NDRG3: variants seen among roughly 807,000 people sequenced by gnomAD.
The protein encoded by NDRG3 is NDRG family member 3, also known as protein NDRG3.
Under a neutral mutation model 57.2 loss-of-function variants are expected in NDRG3, and 23 were observed. The observed-to-expected ratio is 0.40, with a 90% CI of 0.29 to 0.57. The LOEUF (loss-of-function observed/expected upper bound fraction) is 0.57, where lower values mean the gene tolerates loss of function less well. Ranked by LOEUF, NDRG3 falls within the 20% of genes least tolerant of loss-of-function variation. The probability of loss-of-function intolerance (pLI) is 0.42; values close to 1 mark genes in which losing one functional copy is unlikely to be tolerated. For missense variants in NDRG3, 384 were observed against 457.3 expected, an observed-to-expected ratio of 0.84 and a Z score of 1.46; for synonymous variants, 132 against 162.6, an observed-to-expected ratio of 0.81 and a Z score of 1.43.
chr20:36,712,578 TA>T (rs1568660344), intron 2 of NDRG3, among the ~76,000 whole-genome samples: 13 of 23,862 alleles, frequency 5.4e-4, no homozygotes, highest in South Asian at 1.4e-3. Context: ...TATATATATA[TA>T]TATATATATT....
chr20:36,723,831 C>T (rs11699969), intron 1 of NDRG3, among the ~76,000 whole-genome samples: 9,617 of 151,650 alleles, frequency 0.063, 565 homozygotes, highest in African/African-American at 0.16. Context: ...CTCAGTCTCC[C>T]GAGAAGCTGG....
chr20:36,739,214 C>T (rs1344760585), intron 1 of NDRG3, among the ~76,000 whole-genome samples: 10 of 144,084 alleles, frequency 6.9e-5, no homozygotes, highest in East Asian at 2.0e-4. Flanking sequence ...TTTGGGAGGC[C>T]GAGGCTGGCG....
At chr20:36,697,373 T>C (rs915822976) in intron 3 of NDRG3, among the ~76,000 whole-genome samples, 1 of 151,714 alleles carries the variant, frequency 6.6e-6, no homozygotes. Flanking sequence ...TTGTGGCAGG[T>C]TTTTTCCCCC....
At chr20:36,715,523 T>A (rs1372806811) in intron 2 of NDRG3, among the ~76,000 whole-genome samples, 4 of 151,680 alleles carry the variant, frequency 2.6e-5, no homozygotes, top group Non-Finnish European at 5.9e-5. Flanking sequence ...TTTTTTTTTT[T>A]AAACAACCTT....
At chr20:36,682,619 A>C in intron 6 of NDRG3, 41 bp from the exon 7 acceptor site, 1 of 1,543,160 alleles carries the variant, frequency 6.5e-7, no homozygotes, top group Non-Finnish European at 9.0e-7. Flanking sequence ...AGTCAACTTC[A>C]TTTGCAGGCA....
chr20:36,728,100 G>A (rs2148210275), intron 1 of NDRG3, among the ~76,000 whole-genome samples: 3 of 151,186 alleles, frequency 2.0e-5, no homozygotes, highest in Middle Eastern at 3.5e-3. Context: ...GTCGCCCAGG[G>A]TGGAGTGCAG....
At chr20:36,671,421 T>C (rs918671181) in intron 8 of NDRG3, 24 bp from the exon 9 acceptor site, 2 of 1,600,402 alleles carry the variant, frequency 1.2e-6, no homozygotes, top group Non-Finnish European at 1.7e-6. Flanking sequence ...AACTCTGTGT[T>C]AAGAATGTAA....
chr20:36,671,673 G>A (rs1311586073), intron 8 of NDRG3, among the ~76,000 whole-genome samples: 2 of 151,890 alleles, frequency 1.3e-5, no homozygotes, highest in Non-Finnish European at 2.9e-5. Context: ...GTGGTGGCAG[G>A]TACCTGTAGT....
chr20:36,737,550 A>C (rs1230599976), intron 1 of NDRG3, among the ~76,000 whole-genome samples: 1 of 152,154 alleles, frequency 6.6e-6, no homozygotes, highest in Non-Finnish European at 1.5e-5. Context: ...TGTGCTTCCC[A>C]ACATATTTAA....
At chr20:36,733,488 G>C (rs1985444884) in intron 1 of NDRG3, among the ~76,000 whole-genome samples, 1 of 151,926 alleles carries the variant, frequency 6.6e-6, no homozygotes, top group South Asian at 2.1e-4. Context: ...ACTTTGGGAG[G>C]CCAAGGCGGG....
At chr20:36,684,830 CAA>C (rs757095049) in intron 5 of NDRG3, among the ~76,000 whole-genome samples, 5 of 146,654 alleles carry the variant, frequency 3.4e-5, no homozygotes, top group Non-Finnish European at 7.5e-5. Flanking sequence ...GCCTGGGCAA[CAA>C]GAGCAAAACT....
At chr20:36,733,506 C>T (rs965068281) in intron 1 of NDRG3, among the ~76,000 whole-genome samples, 1 of 151,714 alleles carries the variant, frequency 6.6e-6, no homozygotes, top group Non-Finnish European at 1.5e-5. Flanking sequence ...GGGCGGATCA[C>T]GAGGGCAAGA....
chr20:36,730,914 G>A (rs1394376973), intron 1 of NDRG3, among the ~76,000 whole-genome samples: 5 of 150,628 alleles, frequency 3.3e-5, no homozygotes, highest in Non-Finnish European at 7.4e-5. Context: ...CTCCAGCCTG[G>A]GCAACAGAGG....
At position 36,661,983 on chromosome 20, in the gene NDRG3, A is replaced by T. The variant is rs758332701; in HGVS notation, c.811-1599T>A. On this transcript the variant is annotated intron_variant, in intron 12 of 15. Coordinates refer to ENST00000349004, the MANE Select transcript of NDRG3 (RefSeq NM_032013.4). ...AATGCAGGCAGTGACAAACAAATGT[A>T]CCCGTTCACTACAGAATGCGCATTA... Among the ~76,000 whole-genome samples the T allele has an allele frequency of 5.1e-4, 78 of 152,180 alleles. 1 individual carries two copies. Among genetic ancestry groups the T allele is most frequent in the Admixed American group, 3.9e-4 (6 of 15,262 alleles).
At chr20:36,689,596 C>T (rs1165935156) in intron 3 of NDRG3, among the ~76,000 whole-genome samples, 3 of 152,076 alleles carry the variant, frequency 2.0e-5, no homozygotes, top group African/African-American at 4.8e-5. Flanking sequence ...GTCATCCACA[C>T]GTTACAGGGG....
At chr20:36,686,577 ACTC>A (rs1183752394) in intron 5 of NDRG3, among the ~76,000 whole-genome samples, 1 of 152,126 alleles carries the variant, frequency 6.6e-6, no homozygotes, top group Non-Finnish European at 1.5e-5. Context: ...GTGTGTGCTC[ACTC>A]CTCCTAAGGT....
chr20:36,740,095 C>T (rs753461438), intron 1 of NDRG3, among the ~76,000 whole-genome samples: 4 of 151,992 alleles, frequency 2.6e-5, no homozygotes, highest in Admixed American at 1.3e-4. Flanking sequence ...TAAAGCCTGG[C>T]GGAAACCACC....
chr20:36,741,559 A>AC (rs1985930006), intron 1 of NDRG3, among the ~76,000 whole-genome samples: 1 of 152,220 alleles, frequency 6.6e-6, no homozygotes, highest in African/African-American at 2.4e-5. Flanking sequence ...AAAAAAGTAA[A>AC]TTCCCCAAGC....
chr20:36,694,761 A>C (rs966999701), intron 3 of NDRG3, among the ~76,000 whole-genome samples: 2 of 151,624 alleles, frequency 1.3e-5, no homozygotes, highest in African/African-American at 4.9e-5. Flanking sequence ...TTATTTATTT[A>C]TTTATTTATT....
Sources: allele counts gnomAD v4.1 joint callset (sites outside exome capture counted in the v4.1 genomes callset), GRCh38; gene constraint gnomAD v4.1.1; transcripts MANE v1.5; gene names NCBI Gene and HGNC (gene_info 2026-07-23, HGNC 2026-07-21).